The following RNF170 variants were observed in gnomAD, a reference collection of about 807,000 sequenced individuals.
RNF170 encodes the protein E3 ubiquitin-protein ligase RNF170.
Under a neutral mutation model 32.7 loss-of-function variants are expected in RNF170, and 12 were observed. The observed-to-expected ratio is 0.37, with a 90% confidence interval of 0.24 to 0.60. The LOEUF (loss-of-function observed/expected upper bound fraction) is 0.60. Among genes scored for constraint, RNF170 ranks in the 20% least tolerant of loss-of-function variants. RNF170 has a pLI of 0.72. For missense variants in RNF170, 212 were observed against 311.2 expected (o/e 0.68, Z 2.40); for synonymous variants, 91 against 103.6 (o/e 0.88, Z 0.74).
chr8:42,855,511 A>C lies in RNF170; in HGVS notation c.*648T>G. 7.8e-7 allele frequency: 1 copy of C among 1,279,110 alleles called. No individual in the cohort carries two copies. Among genetic ancestry groups the C allele is most frequent in the Non-Finnish European group, 1.0e-6 (1 of 981,132 alleles). 79.2% of individuals were successfully genotyped at this position (1,279,110 alleles called of 1,614,324 possible). A position where few individuals can be genotyped will look rare whatever the true frequency, so the allele number is the denominator to read the frequency against. Reference sequence around the variant, plus strand: ...CAGGCGTGAGCCACCCCGCCCGGCCATGTTTTTCATCTTAATTCTTCTATT... The same window carrying C: ...CAGGCGTGAGCCACCCCGCCCGGCCCTGTTTTTCATCTTAATTCTTCTATT... On this transcript the variant is annotated 3_prime_UTR_variant, in exon 7 of 7. Coordinates refer to ENST00000527424, the MANE Select transcript of RNF170 (RefSeq NM_030954.4).
At chr8:42,881,797 T>C (rs1805433387) in intron 2 of RNF170, among the ~76,000 whole-genome samples, 1 of 151,958 alleles carries the variant, frequency 6.6e-6, no homozygotes, top group Non-Finnish European at 1.5e-5. Context: ...TAGTTGGGCA[T>C]GGTGGTGCAC....
At chr8:42,869,950 T>C (rs139453010) in intron 4 of RNF170, 54 bp downstream of exon 4, 202 of 1,259,602 alleles carry the variant, frequency 1.6e-4, no homozygotes, top group African/African-American at 1.1e-3. Flanking sequence ...TTTGTACACA[T>C]AGAGGTCTTG....
intron 6 of RNF170, among the ~76,000 whole-genome samples, chr8:42,858,275 A>G (rs567592815): frequency 2.0e-5 from 3 of 152,222 alleles, no homozygotes; most frequent in Non-Finnish European, 2.9e-5. Flanking sequence ...AAATCTACCC[A>G]TTATCATCCA....
intron 1 of RNF170, among the ~76,000 whole-genome samples, chr8:42,892,939 A>T (rs963228158): frequency 1.5e-4 from 23 of 152,156 alleles, no homozygotes; most frequent in Non-Finnish European, 1.8e-4. Flanking sequence ...GTGAGCCAAG[A>T]TCGCACCACT....
Position 42,855,287 on chromosome 8 carries a change from T to C in RNF170, c.*872A>G, listed in dbSNP as rs1398513470. On this transcript the variant is annotated 3_prime_UTR_variant, in exon 7 of 7. Transcript: ENST00000527424. ...CTCTGTTGCCCAGGCTGGAGTGCAG[T>C]GGCGCAATCCACCTCCTGGGTTTAC... 10 of 1,149,114 alleles carry C rather than the reference T, an allele frequency of 8.7e-6. No individual in the cohort carries two copies. In the Admixed American group the frequency reaches 2.4e-4, roughly 28 times the overall value. 71.2% of individuals were successfully genotyped at this position (1,149,114 alleles called of 1,614,324 possible). A position where few individuals can be genotyped will look rare whatever the true frequency, so the allele number is the denominator to read the frequency against.
chr8:42,853,075 A>G (rs1317981920), downstream of RNF170, among the ~76,000 whole-genome samples: 1 of 151,750 alleles, frequency 6.6e-6, no homozygotes, highest in East Asian at 1.9e-4. Flanking sequence ...GCAGTCAGCT[A>G]TGATTGTAAC....
upstream of RNF170, chr8:42,896,643 G>A (rs553387477): frequency 2.0e-4 from 91 of 452,588 alleles, no homozygotes; most frequent in African/African-American, 1.7e-3. Flanking sequence ...CTTCCGCGAG[G>A]GCGCGACCGG....
rs753534132 is a variant in RNF170 at position 42,874,142 on chromosome 8, A to C, written c.138-136T>G. ...GGCATACAAGCACTTCACTTCCAGG[A>C]CTGTACGTTTCAGGCTGTCCTGTGG... On this transcript the variant is annotated intron_variant, in intron 2 of 6. Coordinates refer to ENST00000527424, the MANE Select transcript of RNF170 (RefSeq NM_030954.4). 3.2e-4 allele frequency: 216 copies of C among 666,772 alleles called. 2 individuals carry two copies. The highest frequency in any genetic ancestry group is 3.9e-4 in the Admixed American group (18 of 46,260). 41.3% of individuals were successfully genotyped at this position (666,772 alleles called of 1,614,324 possible). A position where few individuals can be genotyped will look rare whatever the true frequency, so the allele number is the denominator to read the frequency against.
intron 2 of RNF170, among the ~76,000 whole-genome samples, chr8:42,877,523 T>G (rs1416578282): frequency 1.3e-5 from 2 of 152,162 alleles, no homozygotes; most frequent in South Asian, 4.1e-4. Context: ...GAGACAATGG[T>G]CAAATACTTT....
At chr8:42,876,129 T>G (rs1028712116) in intron 2 of RNF170, among the ~76,000 whole-genome samples, 2 of 151,966 alleles carry the variant, frequency 1.3e-5, no homozygotes, top group African/African-American at 4.8e-5. Flanking sequence ...AATACAGACA[T>G]GAACCACGTG....
At position 42,855,294 on chromosome 8, in the gene RNF170, A is replaced by G. The variant is rs1236039992; in HGVS notation, c.*865T>C. On this transcript the variant is annotated 3_prime_UTR_variant, in exon 7 of 7. Coordinates refer to ENST00000527424, the MANE Select transcript of RNF170 (RefSeq NM_030954.4). ...GCCCAGGCTGGAGTGCAGTGGCGCAATCCACCTCCTGGGTTTACGCCATTC... is the reference window on the plus strand; with the variant it reads ...GCCCAGGCTGGAGTGCAGTGGCGCAGTCCACCTCCTGGGTTTACGCCATTC... 4 of 1,103,790 alleles carry G rather than the reference A, an allele frequency of 3.6e-6. No individual in the cohort carries two copies. Among genetic ancestry groups the G allele is most frequent in the South Asian group, 1.3e-5 (1 of 75,116 alleles). 68.4% of individuals were successfully genotyped at this position (1,103,790 alleles called of 1,614,324 possible). A position where few individuals can be genotyped will look rare whatever the true frequency, so the allele number is the denominator to read the frequency against.
At chr8:42,879,542 T>A (rs559673958) in intron 2 of RNF170, among the ~76,000 whole-genome samples, 1 of 152,084 alleles carries the variant, frequency 6.6e-6, no homozygotes, top group South Asian at 2.1e-4. Flanking sequence ...TCCCAGTTAC[T>A]TGGGAGGCTG....
upstream of RNF170, chr8:42,896,874 G>A: frequency 3.1e-6 from 1 of 322,990 alleles, no homozygotes. Flanking sequence ...CGGTGTGGGC[G>A]GCCGGGGGCG....
At chr8:42,867,246 C>T (rs1210274380) in intron 4 of RNF170, among the ~76,000 whole-genome samples, 5 of 150,676 alleles carry the variant, frequency 3.3e-5, no homozygotes, top group African/African-American at 4.9e-5. Context: ...CTGAGGCAGG[C>T]GGATCACCTG....
chr8:42,864,006 T>TGTGTGC (rs1554603770), intron 5 of RNF170, among the ~76,000 whole-genome samples: 1 of 149,320 alleles, frequency 6.7e-6, no homozygotes, highest in African/African-American at 2.5e-5. Context: ...TGTGTGTGTG[T>TGTGTGC]GTGTGTGAAC....
At chr8:42,858,693 A>G (rs1004198262) in intron 6 of RNF170, among the ~76,000 whole-genome samples, 1 of 152,210 alleles carries the variant, frequency 6.6e-6, no homozygotes, top group African/African-American at 2.4e-5. Flanking sequence ...TCACCATAAG[A>G]GCAGAAGGAC....
At chr8:42,864,983 G>T (rs528053688) in intron 5 of RNF170, among the ~76,000 whole-genome samples, 12 of 151,664 alleles carry the variant, frequency 7.9e-5, no homozygotes, top group South Asian at 6.2e-4. Context: ...TGGGCTGGGC[G>T]TGGTATCTCA....
intron 4 of RNF170, among the ~76,000 whole-genome samples, chr8:42,868,696 A>G (rs1804297949): frequency 6.6e-6 from 1 of 152,024 alleles, no homozygotes; most frequent in African/African-American, 2.4e-5. Flanking sequence ...CTACAAAAAT[A>G]CAAAAATTAG....
rs1803002988 is a variant in RNF170 at position 42,853,407 on chromosome 8, A to G, written c.*2752T>C. On this transcript the variant is annotated 3_prime_UTR_variant, in exon 7 of 7. Transcript: ENST00000527424. ...GTCTTCTACAACAACTCTGTGAGGT[A>G]GGTATCTGCATAGCCACAAGGGATC... The G allele has an allele frequency of 3.1e-6, 4 of 1,286,604 alleles. No homozygotes were observed. The African/African-American group carries it at 4.6e-5, about 15-fold the overall frequency. 79.7% of individuals were successfully genotyped at this position (1,286,604 alleles called of 1,614,324 possible).
Sources: allele counts gnomAD v4.1 joint callset (sites outside exome capture counted in the v4.1 genomes callset), GRCh38; gene constraint gnomAD v4.1.1; transcripts MANE v1.5; gene names NCBI Gene and HGNC (gene_info 2026-07-23, HGNC 2026-07-21).